C12orf42: variants seen among roughly 807,000 people sequenced by gnomAD.
C12orf42 encodes the protein uncharacterized protein C12orf42.
A neutral mutation model predicts 21.6 loss-of-function variants in C12orf42; 25 were observed. The observed-to-expected ratio is 1.16, with a 90% CI of 0.84 to 1.62. The LOEUF is 1.62. Ranked by LOEUF, C12orf42 falls within the 40% of genes most tolerant of loss-of-function variation. The pLI, the probability that C12orf42 is intolerant of heterozygous loss-of-function variation, is 0.00. For synonymous variants in C12orf42, 174 were observed against 175.0 expected, an observed-to-expected ratio of 0.99 and a Z score of 0.05; for missense variants, 483 against 459.3, an observed-to-expected ratio of 1.05 and a Z score of -0.47.
At chr12:103,233,404 C>T (rs2033366856), downstream of C12orf42, among the ~76,000 whole-genome samples, 1 of 152,248 alleles carries the variant, frequency 6.6e-6, no homozygotes, top group East Asian at 1.9e-4. Flanking sequence ...ATCTATAGAT[C>T]AAGTTGGGAA....
At chr12:103,536,309 T>C in the C12orf42 span, among the ~76,000 whole-genome samples, 27 of 152,146 alleles carry the variant, frequency 1.8e-4, no homozygotes, top group Non-Finnish European at 2.8e-4. Flanking sequence ...TCTGTACATC[T>C]TGAGTTTGAA....
the C12orf42 span, among the ~76,000 whole-genome samples, chr12:103,513,054 A>G: frequency 1.3e-5 from 2 of 151,870 alleles, no homozygotes; most frequent in Non-Finnish European, 2.9e-5. Context: ...CCAGCCCAGC[A>G]TTCCACTGCT....
chr12:103,465,991 C>T (rs1953097247), intron 2 of C12orf42, among the ~76,000 whole-genome samples: 1 of 152,104 alleles, frequency 6.6e-6, no homozygotes, highest in Non-Finnish European at 1.5e-5. Context: ...CTGCTGGATT[C>T]GGTTTGCCAG....
chr12:103,069,175 C>A, the C12orf42 span, among the ~76,000 whole-genome samples: 1 of 151,098 alleles, frequency 6.6e-6, no homozygotes, highest in African/African-American at 2.4e-5. Context: ...GAATTTTTAA[C>A]CTCAATTGCT....
At chr12:103,153,209 A>G in the C12orf42 span, among the ~76,000 whole-genome samples, 4 of 152,196 alleles carry the variant, frequency 2.6e-5, no homozygotes, top group East Asian at 7.7e-4. Flanking sequence ...ATGAAGGAAA[A>G]AACTACAAAG....
At chr12:103,425,136 A>T (rs1949699884) in intron 2 of C12orf42, among the ~76,000 whole-genome samples, 1 of 152,134 alleles carries the variant, frequency 6.6e-6, no homozygotes, top group Non-Finnish European at 1.5e-5. Flanking sequence ...GCCTCTCTAG[A>T]TTCCTCACCT....
At chr12:103,203,030 C>G in the C12orf42 span, among the ~76,000 whole-genome samples, 1 of 152,300 alleles carries the variant, frequency 6.6e-6, no homozygotes, top group African/African-American at 2.4e-5. Context: ...CTGACTAGGA[C>G]TTGAAGGGTA....
chr12:103,167,240 C>T, the C12orf42 span, among the ~76,000 whole-genome samples: 1 of 152,172 alleles, frequency 6.6e-6, no homozygotes, highest in Non-Finnish European at 1.5e-5. Flanking sequence ...TCAGTATCAC[C>T]AAGGTCCTGT....
chr12:103,434,794 C>G (rs1202559634), intron 2 of C12orf42, among the ~76,000 whole-genome samples: 2 of 152,196 alleles, frequency 1.3e-5, no homozygotes, highest in East Asian at 1.9e-4. Context: ...AGTCTGAGAT[C>G]AAACTGCAAG....
chr12:103,239,024 T>C (rs1231088146), intron 10 of C12orf42, among the ~76,000 whole-genome samples: 3 of 152,208 alleles, frequency 2.0e-5, no homozygotes, highest in African/African-American at 7.2e-5. Context: ...TAGTCTCTGC[T>C]CTAGTTTTCT....
chr12:103,132,176 C>T, the C12orf42 span, among the ~76,000 whole-genome samples: 1 of 152,032 alleles, frequency 6.6e-6, no homozygotes, highest in Non-Finnish European at 1.5e-5. Flanking sequence ...AGGCACCTGC[C>T]CTACAAATAA....
At chr12:103,263,387 T>C (rs2035007067) in intron 9 of C12orf42, 1 of 152,112 alleles carries the variant, frequency 6.6e-6, no homozygotes, top group African/African-American at 2.4e-5. Flanking sequence ...AAAAAAAAGT[T>C]TGATTTCAGT....
the C12orf42 span, among the ~76,000 whole-genome samples, chr12:103,081,706 T>C: frequency 5.0e-3 from 756 of 152,310 alleles, 7 homozygotes; most frequent in African/African-American, 0.017. Context: ...GCTTTCAATG[T>C]TGCTTTTGAG....
chr12:103,125,646 G>GT, the C12orf42 span, among the ~76,000 whole-genome samples: 1 of 152,136 alleles, frequency 6.6e-6, no homozygotes, highest in African/African-American at 2.4e-5. Context: ...CAAAATGTAT[G>GT]TTTTTTGTAC....
chr12:103,092,735 G>A, the C12orf42 span, among the ~76,000 whole-genome samples: 1 of 152,160 alleles, frequency 6.6e-6, no homozygotes, highest in African/African-American at 2.4e-5. Context: ...ATTTGTTAAG[G>A]ACTGTATCAT....
intron 2 of C12orf42, among the ~76,000 whole-genome samples, chr12:103,435,520 G>A (rs1217568815): frequency 6.6e-6 from 1 of 152,174 alleles, no homozygotes; most frequent in African/African-American, 2.4e-5. Context: ...TTAGAATAAT[G>A]TATAACTAGA....
intron 10 of C12orf42, among the ~76,000 whole-genome samples, chr12:103,241,876 T>C (rs573930683): frequency 6.6e-6 from 1 of 152,292 alleles, no homozygotes; most frequent in Non-Finnish European, 1.5e-5. Flanking sequence ...GCCTGTGTTA[T>C]TAGTCTTTTT....
At chr12:103,416,457 A>AGAT (rs1240615046) in intron 2 of C12orf42, among the ~76,000 whole-genome samples, 2 of 152,020 alleles carry the variant, frequency 1.3e-5, no homozygotes, top group African/African-American at 4.8e-5. Context: ...CTCCACAGAG[A>AGAT]GATTTAGATT....
the C12orf42 span, among the ~76,000 whole-genome samples, chr12:103,063,291 A>G: frequency 6.6e-6 from 1 of 152,178 alleles, no homozygotes; most frequent in African/African-American, 2.4e-5. Flanking sequence ...AAGAGCTGAA[A>G]TTGTGGAAAA....
Sources: allele counts gnomAD v4.1 joint callset (sites outside exome capture counted in the v4.1 genomes callset), GRCh38; gene constraint gnomAD v4.1.1; transcripts MANE v1.5; gene names NCBI Gene and HGNC (gene_info 2026-07-23, HGNC 2026-07-21).